ACTR3: variants seen among roughly 807,000 people sequenced by gnomAD.
The protein encoded by ACTR3 is actin related protein 3.
ACTR3 carries 12 observed loss-of-function variants against 56.8 expected under a neutral mutation model. That is an observed-to-expected ratio of 0.21 (90% confidence interval 0.14 to 0.34). The LOEUF (loss-of-function observed/expected upper bound fraction) is 0.34. Among genes scored for constraint, ACTR3 ranks in the 10% least tolerant of loss-of-function variants. The probability of loss-of-function intolerance (pLI) is 1.00; values close to 1 mark genes in which losing one functional copy is unlikely to be tolerated. For synonymous variants in ACTR3, 162 were observed against 167.4 expected (o/e 0.97, Z 0.25); for missense variants, 282 against 512.5 (o/e 0.55, Z 4.34).
chr2:113,890,055 G>C (rs921209996), upstream of ACTR3: 8 of 595,198 alleles, frequency 1.3e-5, no homozygotes, highest in Middle Eastern at 8.8e-4. Context: ...AGGAGGCCGC[G>C]GCGGGGCAGG....
intron 1 of ACTR3, among the ~76,000 whole-genome samples, chr2:113,902,493 C>T (rs1020789861): frequency 2.0e-5 from 3 of 151,932 alleles, no homozygotes; most frequent in Admixed American, 1.3e-4. Context: ...ATCTCCCTTT[C>T]GCAGCCAAAA....
At chr2:113,916,237 G>A (rs72835471) in intron 2 of ACTR3, among the ~76,000 whole-genome samples, 2,818 of 151,044 alleles carry the variant, frequency 0.019, 28 homozygotes, top group Middle Eastern at 0.041. Flanking sequence ...TGATGGATTC[G>A]TACATTTATA....
Position 113,960,988 on chromosome 2 carries a change from C to G in ACTR3, c.*3533C>G, listed in dbSNP as rs1680315271. On this transcript the variant is annotated 3_prime_UTR_variant, in exon 12 of 12. Transcript: ENST00000263238. ...GTGGAACTTTCATAGCAAATCTTGA[C>G]AGTAAATACCTTGTTCTTGTATTAG... 2 of 152,002 alleles carry G rather than the reference C, an allele frequency of 1.3e-5. No homozygotes were observed. Among genetic ancestry groups the G allele is most frequent in the African/African-American group, 4.8e-5 (2 of 41,428 alleles). The allele number at this position is 152,002 out of a possible 1,614,324, so 9.4% of individuals were successfully genotyped here. A position where few individuals can be genotyped will look rare whatever the true frequency, so the allele number is the denominator to read the frequency against.
At chr2:113,948,352 G>C (rs1680059474) in intron 8 of ACTR3, among the ~76,000 whole-genome samples, 1 of 152,034 alleles carries the variant, frequency 6.6e-6, no homozygotes, top group Admixed American at 6.5e-5. Context: ...GTTTTGCCAT[G>C]TTGCCCAGGC....
intron 6 of ACTR3, among the ~76,000 whole-genome samples, chr2:113,938,111 T>C (rs1679860793): frequency 6.6e-6 from 1 of 152,154 alleles, no homozygotes; most frequent in African/African-American, 2.4e-5. Context: ...TGTAGTCCAC[T>C]GTAATCTCAT....
intron 5 of ACTR3, 28 bp downstream of exon 5, chr2:113,931,424 G>T: frequency 6.9e-7 from 1 of 1,443,766 alleles, no homozygotes; most frequent in South Asian, 1.4e-5. Flanking sequence ...TTCTAAGTTT[G>T]ATTCTTACAT....
At chr2:113,890,071 G>T, upstream of ACTR3, 1 of 616,768 alleles carries the variant, frequency 1.6e-6, no homozygotes, top group South Asian at 1.8e-5. Context: ...GCAGGGCGGG[G>T]ACTGCCTGCC....
intron 10 of ACTR3, chr2:113,955,041 A>T (rs1377661130): frequency 6.6e-6 from 1 of 152,148 alleles, no homozygotes; most frequent in Non-Finnish European, 1.5e-5. Context: ...GGCTCCTATT[A>T]TCTATAATAT....
At chr2:113,909,619 TTG>T (rs772351164) in intron 1 of ACTR3, among the ~76,000 whole-genome samples, 21 of 143,764 alleles carry the variant, frequency 1.5e-4, no homozygotes, top group South Asian at 4.4e-4. Flanking sequence ...GTTGTTGTTG[TTG>T]TTTTTTTTTT....
At chr2:113,916,382 T>C (rs1230281092) in intron 2 of ACTR3, among the ~76,000 whole-genome samples, 1 of 152,204 alleles carries the variant, frequency 6.6e-6, no homozygotes, top group East Asian at 1.9e-4. Flanking sequence ...TTAACAGATC[T>C]GTATTACATT....
At chr2:113,953,902 T>C (rs1056308528) in intron 10 of ACTR3, 4 of 152,214 alleles carry the variant, frequency 2.6e-5, no homozygotes, top group Non-Finnish European at 5.9e-5. Flanking sequence ...TTCCCCCTTA[T>C]CCAGGATCCA....
At chr2:113,908,082 T>C (rs1219233396) in intron 1 of ACTR3, among the ~76,000 whole-genome samples, 1 of 151,830 alleles carries the variant, frequency 6.6e-6, no homozygotes, top group Non-Finnish European at 1.5e-5. Context: ...GTATATATGC[T>C]TAGAGAAATG....
intron 8 of ACTR3, among the ~76,000 whole-genome samples, chr2:113,948,840 A>G (rs1026421022): frequency 6.6e-6 from 1 of 151,544 alleles, no homozygotes; most frequent in African/African-American, 2.4e-5. Context: ...TGTCTTTTAC[A>G]TCCCAATCTG....
chr2:113,935,362 T>G (rs776646763), intron 6 of ACTR3, among the ~76,000 whole-genome samples: 1 of 152,172 alleles, frequency 6.6e-6, no homozygotes, highest in Non-Finnish European at 1.5e-5. Context: ...ACCACCCATT[T>G]CCCCTTGATT....
chr2:113,906,381 A>G (rs1679192479), intron 1 of ACTR3, among the ~76,000 whole-genome samples: 1 of 152,090 alleles, frequency 6.6e-6, no homozygotes, highest in African/African-American at 2.4e-5. Flanking sequence ...TTAATCCCTT[A>G]CAGATAGTGA....
intron 8 of ACTR3, among the ~76,000 whole-genome samples, chr2:113,945,833 C>T (rs904914712): frequency 6.6e-6 from 1 of 152,084 alleles, no homozygotes; most frequent in South Asian, 2.1e-4. Context: ...TCTGTTGTTT[C>T]CCTCCGTATG....
chr2:113,961,844 G>A lies in ACTR3; in HGVS notation c.*4389G>A, dbSNP rs1680331502. The A allele has an allele frequency of 1.3e-5, 2 of 151,972 alleles. No homozygotes were observed. The highest frequency in any genetic ancestry group is 4.8e-5 in the African/African-American group (2 of 41,432). 9.4% of individuals were successfully genotyped at this position (151,972 alleles called of 1,614,324 possible). ...TAGAGGGAGAAGTCCAGCTATGTAA[G>A]GTGAAAGTGGGGCTTATAAAAGTGG... On this transcript the variant is annotated 3_prime_UTR_variant, in exon 12 of 12. Coordinates refer to ENST00000263238, the MANE Select transcript of ACTR3 (RefSeq NM_005721.5).
chr2:113,953,896 C>T (rs955312508), intron 10 of ACTR3: 2 of 152,162 alleles, frequency 1.3e-5, no homozygotes, highest in Non-Finnish European at 2.9e-5. Flanking sequence ...ACCTTCTTCC[C>T]CCTTATCCAG....
chr2:113,936,273 G>C (rs1269168161), intron 6 of ACTR3, among the ~76,000 whole-genome samples: 2 of 132,228 alleles, frequency 1.5e-5, no homozygotes, highest in African/African-American at 6.0e-5. Flanking sequence ...AGCTTCTCTA[G>C]CTTGAGCAAC....
Sources: allele counts gnomAD v4.1 joint callset (sites outside exome capture counted in the v4.1 genomes callset), GRCh38; gene constraint gnomAD v4.1.1; transcripts MANE v1.5; gene names NCBI Gene and HGNC (gene_info 2026-07-23, HGNC 2026-07-21).